The following DZIP3 variants were observed in gnomAD, a reference collection of about 807,000 sequenced individuals.
The protein encoded by DZIP3 is DAZ interacting zinc finger protein 3.
A neutral mutation model predicts 162.0 loss-of-function variants in DZIP3; 118 were observed. The ratio of observed to expected loss-of-function variants is 0.73; its 90% CI spans 0.63 to 0.85. The LOEUF is 0.85. DZIP3 is among the 40% of genes least tolerant of loss of function. DZIP3 has a pLI of 0.00. For synonymous variants in DZIP3, 438 were observed against 458.6 expected (o/e 0.96, Z 0.57); for missense variants, 1,331 against 1,407.0 (o/e 0.95, Z 0.86).
chr3:108,689,544 G>A (rs1320210838), intron 31 of DZIP3, among the ~76,000 whole-genome samples: 2 of 152,016 alleles, frequency 1.3e-5, no homozygotes, highest in Admixed American at 6.6e-5. Flanking sequence ...AAAATTAGCC[G>A]GGCGTGGTGG....
At chr3:108,607,993 T>G in intron 2 of DZIP3, 96 bp from the exon 3 acceptor site, 1 of 1,108,372 alleles carries the variant, frequency 9.0e-7, no homozygotes. Context: ...TGGTTACACT[T>G]TCAGACAATA....
chr3:108,647,868 G>A lies in DZIP3; in HGVS notation c.1793-75G>A, dbSNP rs184171816. Reference sequence around the variant, plus strand: ...TGTTTTGTGAATGTTGCTTTTTTGGGCAAACATTATAACATTGATAAGAAG... The same window carrying A: ...TGTTTTGTGAATGTTGCTTTTTTGGACAAACATTATAACATTGATAAGAAG... On this transcript the variant is annotated intron_variant, in intron 15 of 32. Transcript: ENST00000361582. 301 of 1,250,740 alleles carry A rather than the reference G, an allele frequency of 2.4e-4. 1 individual carries two copies. The highest frequency in any genetic ancestry group is 1.8e-3 in the East Asian group (71 of 38,472). 77.5% of individuals were successfully genotyped at this position (1,250,740 alleles called of 1,614,324 possible). A position where few individuals can be genotyped will look rare whatever the true frequency, so the allele number is the denominator to read the frequency against.
chr3:108,593,768 C>G (rs1939559735), intron 1 of DZIP3, among the ~76,000 whole-genome samples: 1 of 151,354 alleles, frequency 6.6e-6, no homozygotes. Context: ...CTTGACCTCC[C>G]CGGGCTTATC....
chr3:108,686,597 T>G lies in DZIP3; in HGVS notation c.3149+13T>G. 1.9e-6 allele frequency: 3 copies of G among 1,590,930 alleles called. No homozygotes were observed. The highest frequency in any genetic ancestry group is 4.5e-5 in the East Asian group (2 of 44,202). On this transcript the variant is annotated intron_variant, in intron 28 of 32. Transcript: ENST00000361582. ...CACAGCAAACCAGGTACCTTAGTTT[T>G]TATTTATTGGTGGGTACAGATCATA...
intron 6 of DZIP3, among the ~76,000 whole-genome samples, chr3:108,625,520 A>G (rs1408048517): frequency 2.0e-5 from 3 of 152,192 alleles, no homozygotes; most frequent in African/African-American, 2.4e-5. Context: ...TCAGCCTGCT[A>G]AGGAGCTGAC....
At chr3:108,616,928 C>CTTA (rs1941050180) in intron 5 of DZIP3, among the ~76,000 whole-genome samples, 1 of 152,008 alleles carries the variant, frequency 6.6e-6, no homozygotes, top group South Asian at 2.1e-4. Flanking sequence ...CAAAATTGTT[C>CTTA]ATCTTAAGAG....
chr3:108,642,492 CA>C lies in DZIP3; in HGVS notation c.1120del (p.Ser374ValfsTer2). The stretch of plus-strand genomic sequence containing the variant: ...CTGATACTGATATAAGACCGAAGAT[CA>C]GTTTAAAATTTAATACAAAAGGTAT... Reference protein sequence around the residue: ...ITDTDIRPKISLKFNTKDEMP... With the variant: ...ITDTDIRPKIXLKFNTKDEMP... On this transcript the variant is annotated frameshift_variant, in exon 13 of 33. Transcript: ENST00000361582. LOFTEE classifies it high-confidence loss of function. 1 of 1,479,750 alleles carries C rather than the reference CA, an allele frequency of 6.8e-7. No individual in the cohort carries two copies. The highest frequency in any genetic ancestry group is 9.1e-7 in the Non-Finnish European group (1 of 1,093,650). 91.7% of individuals were successfully genotyped at this position (1,479,750 alleles called of 1,614,324 possible).
chr3:108,590,939 G>T (rs569331501), intron 1 of DZIP3, among the ~76,000 whole-genome samples: 1 of 152,254 alleles, frequency 6.6e-6, no homozygotes, highest in East Asian at 1.9e-4. Context: ...AATACTACTG[G>T]CATGCAACTT....
intron 11 of DZIP3, 106 bp downstream of exon 11, chr3:108,636,814 A>G (rs985026871): frequency 2.6e-6 from 2 of 777,574 alleles, no homozygotes; most frequent in African/African-American, 1.9e-5. Flanking sequence ...GATTCCAGCC[A>G]TATTGCCTTT....
At chr3:108,639,850 T>C (rs1942312231) in intron 12 of DZIP3, among the ~76,000 whole-genome samples, 1 of 152,112 alleles carries the variant, frequency 6.6e-6, no homozygotes, top group South Asian at 2.1e-4. Context: ...TTTGATTTTT[T>C]TTTAAGGTGA....
Position 108,634,978 on chromosome 3 carries a change from A to G in DZIP3, c.918+6A>G, listed in dbSNP as rs1181224127. On this transcript the variant is annotated splice_donor_region_variant and intron_variant, in intron 10 of 32. Transcript: ENST00000361582. ...ATCCAGGTGAAAATGATCAGGTATT[A>G]TATTCGTTCTTAAAACTACAACAGC... 2 of 1,528,342 alleles carry G rather than the reference A, an allele frequency of 1.3e-6. No individual in the cohort carries two copies. Among genetic ancestry groups the G allele is most frequent in the East Asian group, 2.4e-5 (1 of 42,514 alleles). 94.7% of individuals were successfully genotyped at this position (1,528,342 alleles called of 1,614,324 possible). A position where few individuals can be genotyped will look rare whatever the true frequency, so the allele number is the denominator to read the frequency against.
At chr3:108,633,915 T>C (rs569720276) in intron 9 of DZIP3, among the ~76,000 whole-genome samples, 92 of 149,610 alleles carry the variant, frequency 6.1e-4, no homozygotes, top group African/African-American at 2.2e-3. Context: ...TAGATCTCTC[T>C]CTCTGGATCT....
upstream of DZIP3, chr3:108,589,610 G>A (rs1489107532): frequency 5.1e-6 from 2 of 395,170 alleles, no homozygotes; most frequent in South Asian, 4.3e-5. Flanking sequence ...AGCTGCCCCC[G>A]CTAACCCACC....
intron 22 of DZIP3, among the ~76,000 whole-genome samples, chr3:108,670,778 C>G (rs561884591): frequency 6.6e-6 from 1 of 151,852 alleles, no homozygotes; most frequent in Non-Finnish European, 1.5e-5. Flanking sequence ...ACATTCTGAT[C>G]AACATTTGTT....
chr3:108,615,528 A>G (rs1307384651), intron 4 of DZIP3, among the ~76,000 whole-genome samples: 1 of 152,212 alleles, frequency 6.6e-6, no homozygotes, highest in Non-Finnish European at 1.5e-5. Flanking sequence ...AGGGAGACTG[A>G]AATAAAGTAT....
chr3:108,645,570 G>A (rs1942587261), intron 14 of DZIP3, among the ~76,000 whole-genome samples: 2 of 152,156 alleles, frequency 1.3e-5, no homozygotes, highest in African/African-American at 4.8e-5. Flanking sequence ...CAGAGTTCAA[G>A]GCATGACAAC....
intron 7 of DZIP3, among the ~76,000 whole-genome samples, chr3:108,628,258 A>G (rs1271061227): frequency 6.6e-6 from 1 of 152,158 alleles, no homozygotes; most frequent in Non-Finnish European, 1.5e-5. Context: ...GTCTCTAAAT[A>G]AAGGTAGGCT....
intron 23 of DZIP3, 109 bp from the exon 24 acceptor site, chr3:108,673,969 T>C: frequency 1.2e-6 from 1 of 844,972 alleles, no homozygotes; most frequent in East Asian, 2.4e-5. Flanking sequence ...CTAGATGCTA[T>C]TGGAAGAAAT....
intron 1 of DZIP3, among the ~76,000 whole-genome samples, chr3:108,596,262 G>T (rs1212983636): frequency 6.6e-6 from 1 of 152,186 alleles, no homozygotes; most frequent in Non-Finnish European, 1.5e-5. Flanking sequence ...CAGCCTTTTC[G>T]TGGAGAGGGG....
Sources: gnomAD v4.1 joint callset for allele counts (sites outside exome capture counted in the v4.1 genomes callset) on GRCh38, gnomAD v4.1.1 for gene constraint, MANE v1.5 for transcripts, NCBI Gene and HGNC (gene_info 2026-07-23, HGNC 2026-07-21) for gene names.